SYNJ2: variants seen among roughly 807,000 people sequenced by gnomAD.
SYNJ2 encodes the protein synaptojanin 2.
SYNJ2 carries 116 observed loss-of-function variants against 141.3 expected under a neutral mutation model. The observed-to-expected ratio is 0.82, with a 90% confidence interval of 0.71 to 0.96. SYNJ2 has a LOEUF of 0.96. Among genes scored for constraint, SYNJ2 ranks in the 40% least tolerant of loss-of-function variants. The pLI, the probability that SYNJ2 is intolerant of heterozygous loss-of-function variation, is 0.00. For missense variants in SYNJ2, 1,873 were observed against 1,934.8 expected (o/e 0.97, Z 0.60); for synonymous variants, 745 against 777.7 (o/e 0.96, Z 0.70).
chr6:158,071,682 T>C lies in SYNJ2; in HGVS notation c.2021T>C (p.Phe674Ser). 6.2e-7 allele frequency: 1 copy of C among 1,614,068 alleles called. No homozygotes were observed. Among genetic ancestry groups the C allele is most frequent in the Non-Finnish European group, 8.5e-7 (1 of 1,180,010 alleles). ...NKGAVGIRFQ[F>S]HSTSFCFICS... ...GGCGCCGTCGGCATCCGCTTCCAGT[T>C]CCACAGCACCAGCTTCTGCTTCATA... is the stretch of plus-strand genomic sequence containing the variant. The change falls in exon 15 of 27, where the codon TTC becomes TCC. Residue 674 changes from phenylalanine (F) to serine (S), a missense_variant. Physicochemically the swap from Phe to Ser is radical, Grantham distance 155. Transcript: ENST00000355585. The surrounding 1 kb of genome is among the most constrained non-coding windows in gnomAD (Gnocchi z 4.3).
chr6:158,096,238 C>T lies in SYNJ2; in HGVS notation c.4365C>T (p.Gly1455=), dbSNP rs752770656. Residue 1455 remains glycine, a synonymous_variant, in exon 27 of 27, where the codon GGC becomes GGT. Coordinates refer to ENST00000355585, the MANE Select transcript of SYNJ2 (RefSeq NM_003898.4). Reference sequence around the variant, plus strand: ...ATCCCATAGACCCAGTGTCAGCTGGCGCTTCAGCTGCCAAGGCAGAGCTGC... The same window carrying T: ...ATCCCATAGACCCAGTGTCAGCTGGTGCTTCAGCTGCCAAGGCAGAGCTGC... ...KRDPIDPVSA[G]ASAAKAELPP... 7.4e-6 allele frequency: 12 copies of T among 1,614,124 alleles called. No individual in the cohort carries two copies. Among genetic ancestry groups the T allele is most frequent in the African/African-American group, 5.3e-5 (4 of 74,960 alleles).
At chr6:158,062,859 C>G (rs1048139997) in intron 8 of SYNJ2, among the ~76,000 whole-genome samples, 1 of 152,084 alleles carries the variant, frequency 6.6e-6, no homozygotes, top group African/African-American at 2.4e-5. Flanking sequence ...AGGGGCCCCC[C>G]TTTGTTCGGG....
At position 158,042,730 on chromosome 6, in the gene SYNJ2, G is replaced by C. The variant is rs574364382; in HGVS notation, c.712-586G>C. On this transcript the variant is annotated intron_variant, in intron 4 of 26. Transcript: ENST00000355585. Reference sequence around the variant, plus strand: ...GTCACACTGGAAGCTTGTGGAAACCGTGTTGTGTGTGTTAACTGAGTGGTG... The same window carrying C: ...GTCACACTGGAAGCTTGTGGAAACCCTGTTGTGTGTGTTAACTGAGTGGTG... 2.6e-5 allele frequency among the ~76,000 whole-genome samples: 4 copies of C among 152,344 alleles called. No individual in the cohort carries two copies. The South Asian group carries it at 8.3e-4, about 32-fold the overall frequency.
At chr6:158,011,092 A>T (rs1024092469) in intron 1 of SYNJ2, among the ~76,000 whole-genome samples, 1 of 151,574 alleles carries the variant, frequency 6.6e-6, no homozygotes, top group East Asian at 1.9e-4. Context: ...GGATGGCCAC[A>T]TGACAATTGG....
chr6:158,023,811 A>G (rs1024152774), intron 2 of SYNJ2, among the ~76,000 whole-genome samples: 15 of 152,342 alleles, frequency 9.8e-5, no homozygotes, highest in Admixed American at 2.0e-4. Flanking sequence ...GTGATGTCCA[A>G]TTGTTTGCTT....
chr6:157,992,607 A>G (rs9456947), intron 1 of SYNJ2, among the ~76,000 whole-genome samples: 2,873 of 152,050 alleles, frequency 0.019, 86 homozygotes, highest in African/African-American at 0.067. Context: ...CATGTTGTCC[A>G]GGCTGGTCTC....
intron 7 of SYNJ2, among the ~76,000 whole-genome samples, chr6:158,060,495 G>A (rs1003925976): frequency 6.6e-6 from 1 of 152,200 alleles, no homozygotes; most frequent in Non-Finnish European, 1.5e-5. Context: ...GCTCGAAGTC[G>A]CCTCACTGGG....
At chr6:157,983,987 C>G (rs1375679830) in intron 1 of SYNJ2, among the ~76,000 whole-genome samples, 2 of 152,106 alleles carry the variant, frequency 1.3e-5, no homozygotes, top group Non-Finnish European at 2.9e-5. Flanking sequence ...GCCACCATGC[C>G]TGGCTAATTT....
intron 1 of SYNJ2, chr6:158,001,435 TC>T (rs1027420466): frequency 1.3e-5 from 2 of 149,760 alleles, no homozygotes; most frequent in Non-Finnish European, 3.0e-5. Context: ...TGGCTCTTGT[TC>T]CCCAGGCTGG....
At chr6:158,069,305 TG>T (rs1450569985) in intron 13 of SYNJ2, among the ~76,000 whole-genome samples, 1 of 152,152 alleles carries the variant, frequency 6.6e-6, no homozygotes, top group Non-Finnish European at 1.5e-5. Context: ...GAGAAGGTCC[TG>T]GGTTGGGTTT....
chr6:158,068,863 T>C, intron 13 of SYNJ2, 135 bp downstream of exon 13: 1 of 875,882 alleles, frequency 1.1e-6, no homozygotes, highest in Non-Finnish European at 1.8e-6. Flanking sequence ...TGTGTGGGGA[T>C]CTCTCACCTG....
Position 158,033,396 on chromosome 6 carries a change from G to A in SYNJ2, c.486-59G>A, listed in dbSNP as rs531548517. Reference sequence around the variant, plus strand: ...GTTCCTCAGCCACACTCGCTGTCCAGGCAGCATGTATTGGAGGATGTCAAG... The same window carrying A: ...GTTCCTCAGCCACACTCGCTGTCCAAGCAGCATGTATTGGAGGATGTCAAG... On this transcript the variant is annotated intron_variant, in intron 3 of 26. Coordinates refer to ENST00000355585, the MANE Select transcript of SYNJ2 (RefSeq NM_003898.4). 9 of 1,576,338 alleles carry A rather than the reference G, an allele frequency of 5.7e-6. No individual in the cohort carries two copies. The South Asian group carries it at 8.0e-5, about 14-fold the overall frequency.
chr6:158,084,145 C>A lies in SYNJ2; in HGVS notation c.3179C>A (p.Thr1060Asn), dbSNP rs61745222. 1.5e-3 allele frequency: 2,369 copies of A among 1,613,988 alleles called. 30 individuals carry two copies. The African/African-American group carries it at 0.026, about 18-fold the overall frequency. The change falls in exon 22 of 27, where the codon ACC becomes AAC. Residue 1060 changes from threonine (T) to asparagine (N), a missense_variant. Physicochemically the swap from Thr to Asn is moderately conservative, Grantham distance 65. Transcript: ENST00000355585. This position sits in a 1 kb window ranked among gnomAD's most constrained non-coding sequence, Gnocchi z 5.0. ...CCTCCCAGCAAGTCACCTGCTCTCA[C>A]CAAAAAGAAGCAGCATCCAACGTAC... ...LAPPSKSPAL[T>N]KKKQHPTYKD... is the part of the protein sequence containing the mutation.
intron 24 of SYNJ2, among the ~76,000 whole-genome samples, chr6:158,089,171 A>G (rs1422320186): frequency 1.3e-5 from 2 of 152,176 alleles, no homozygotes; most frequent in Admixed American, 6.5e-5. Context: ...CTAAAAAGAG[A>G]TGTAAATAAT....
At chr6:158,013,494 C>G (rs1346990097) in intron 1 of SYNJ2, among the ~76,000 whole-genome samples, 1 of 152,200 alleles carries the variant, frequency 6.6e-6, no homozygotes, top group Non-Finnish European at 1.5e-5. Flanking sequence ...GTGAAGAGCC[C>G]TTGTACAGAT....
chr6:158,056,381 C>T (rs945346361), intron 6 of SYNJ2, among the ~76,000 whole-genome samples: 1 of 152,192 alleles, frequency 6.6e-6, no homozygotes, highest in Non-Finnish European at 1.5e-5. Context: ...TAGATCTCTT[C>T]TGCAAATCAC....
At chr6:158,057,323 G>T (rs1287488850) in intron 6 of SYNJ2, among the ~76,000 whole-genome samples, 2 of 151,970 alleles carry the variant, frequency 1.3e-5, no homozygotes, top group Non-Finnish European at 2.9e-5. Flanking sequence ...TACACCCTGG[G>T]TGCCAGCGCT....
intron 4 of SYNJ2, among the ~76,000 whole-genome samples, chr6:158,041,230 C>T (rs537377552): frequency 1.3e-5 from 2 of 152,284 alleles, no homozygotes; most frequent in African/African-American, 4.8e-5. Flanking sequence ...GCAGTCGGAC[C>T]CAGCTTGTGC....
chr6:157,986,805 G>T (rs1777222455), intron 1 of SYNJ2, among the ~76,000 whole-genome samples: 1 of 152,192 alleles, frequency 6.6e-6, no homozygotes, highest in Non-Finnish European at 1.5e-5. Context: ...ATTCGGCATT[G>T]ATAGTTATCA....
Sources: allele counts gnomAD v4.1 joint callset (sites outside exome capture counted in the v4.1 genomes callset), GRCh38; gene constraint gnomAD v4.1.1; non-coding constraint Gnocchi (gnomAD v3.1); transcripts MANE v1.5; gene names NCBI Gene and HGNC (gene_info 2026-07-23, HGNC 2026-07-21).